FGF1: variants seen among roughly 807,000 people sequenced by gnomAD.
The protein encoded by FGF1 is fibroblast growth factor 1.
A neutral mutation model predicts 13.4 loss-of-function variants in FGF1; 9 were observed. The ratio of observed to expected loss-of-function variants is 0.67; its 90% confidence interval spans 0.40 to 1.17. FGF1 has a LOEUF of 1.17. Among genes scored for constraint, FGF1 ranks in the 50% most tolerant of loss-of-function variants. The probability of loss-of-function intolerance (pLI) is 0.01; values close to 1 mark genes in which losing one functional copy is unlikely to be tolerated. For synonymous variants in FGF1, 93 were observed against 79.0 expected (o/e 1.18, Z -0.94); for missense variants, 156 against 192.7 (o/e 0.81, Z 1.13).
intron 1 of FGF1, among the ~76,000 whole-genome samples, chr5:142,675,888 C>A (rs1253448267): frequency 1.3e-5 from 2 of 152,186 alleles, no homozygotes; most frequent in East Asian, 3.9e-4. Context: ...GAACTGAACA[C>A]CCCCTGGCTG....
rs1173461401 is a variant in FGF1 at position 142,592,906 on chromosome 5, C to T, written c.*2384G>A. 6.5e-6 allele frequency: 1 copy of T among 153,098 alleles called. No individual in the cohort carries two copies. Among genetic ancestry groups the T allele is most frequent in the Non-Finnish European group, 1.5e-5 (1 of 68,720 alleles). The allele number at this position is 153,098 out of a possible 1,614,324, so 9.5% of individuals were successfully genotyped here. A position where few individuals can be genotyped will look rare whatever the true frequency, so the allele number is the denominator to read the frequency against. On this transcript the variant is annotated 3_prime_UTR_variant, in exon 4 of 4. Transcript: ENST00000337706. Reference sequence around the variant, plus strand: ...TTCTTGACTGAAAGAATTGAATCCACAGCATCTTTCATCATAAATATAATG... The same window carrying T: ...TTCTTGACTGAAAGAATTGAATCCATAGCATCTTTCATCATAAATATAATG...
upstream of FGF1, among the ~76,000 whole-genome samples, chr5:142,687,234 G>A (rs1597472830): frequency 6.6e-6 from 1 of 152,134 alleles, no homozygotes; most frequent in African/African-American, 2.4e-5. Context: ...ATGCTCTCCA[G>A]TCTCTACCTC....
intron 1 of FGF1, among the ~76,000 whole-genome samples, chr5:142,683,084 C>G (rs183648046): frequency 2.6e-5 from 4 of 152,306 alleles, no homozygotes; most frequent in African/African-American, 9.6e-5. Flanking sequence ...AAAAAGTACT[C>G]TCACCCACAT....
chr5:142,608,556 A>C (rs1699381198), intron 2 of FGF1, among the ~76,000 whole-genome samples: 2 of 81,208 alleles, frequency 2.5e-5, no homozygotes, highest in Admixed American at 1.1e-4. Context: ...ATATATATAT[A>C]TATATATATA....
chr5:142,691,589 G>A (rs28609749), intron 2 of FGF1, among the ~76,000 whole-genome samples: 21,158 of 152,114 alleles, frequency 0.14, 1,788 homozygotes, highest in Non-Finnish European at 0.19. Context: ...ACTCAGTACC[G>A]AGACCAGTGG....
intron 1 of FGF1, among the ~76,000 whole-genome samples, chr5:142,682,343 C>T (rs1597454390): frequency 6.6e-6 from 1 of 152,306 alleles, no homozygotes; most frequent in Middle Eastern, 3.4e-3. Flanking sequence ...CTTGGCCTCC[C>T]AAAGTGCTGG....
intron 2 of FGF1, among the ~76,000 whole-genome samples, chr5:142,697,280 T>C (rs575874958): frequency 1.2e-3 from 189 of 152,322 alleles, no homozygotes; most frequent in African/African-American, 4.3e-3. Flanking sequence ...AAATGAAGCA[T>C]TAAGTCTACT....
At chr5:142,610,400 G>A (rs7716595) in intron 2 of FGF1, among the ~76,000 whole-genome samples, 2,074 of 152,220 alleles carry the variant, frequency 0.014, 44 homozygotes, top group African/African-American at 0.046. Context: ...TTAAATAATC[G>A]CACAAATAAA....
At chr5:142,598,299 G>C (rs940305305) in intron 3 of FGF1, among the ~76,000 whole-genome samples, 1 of 152,178 alleles carries the variant, frequency 6.6e-6, no homozygotes, top group African/African-American at 2.4e-5. Context: ...AAATAGCTGA[G>C]TCACAGGCTG....
At chr5:142,610,067 C>G (rs1350658477) in intron 2 of FGF1, among the ~76,000 whole-genome samples, 1 of 152,176 alleles carries the variant, frequency 6.6e-6, no homozygotes, top group Non-Finnish European at 1.5e-5. Context: ...TGGTGCCAAG[C>G]CCTCCCAGTT....
At chr5:142,629,188 C>T (rs2151920877) in intron 1 of FGF1, among the ~76,000 whole-genome samples, 1 of 152,298 alleles carries the variant, frequency 6.6e-6, no homozygotes. Context: ...CAGGTTCTTG[C>T]TCTGTTCCCC....
Position 142,664,942 on chromosome 5 carries a change from C to T in FGF1, c.-35+21015G>A, listed in dbSNP as rs988802573. Among the ~76,000 whole-genome samples, 16 of 152,172 alleles carry T rather than the reference C, an allele frequency of 1.1e-4. No individual in the cohort carries two copies. The East Asian group carries it at 1.2e-3, about 11-fold the overall frequency. On this transcript the variant is annotated intron_variant, in intron 1 of 3. Transcript: ENST00000337706. The stretch of plus-strand genomic sequence containing the variant: ...TTGAGGATAAAATGAGGTAAAGTTA[C>T]GTAAGGTGCTTAACACAGTGCTGCA...
At chr5:142,614,456 G>C (rs1015814876) in intron 1 of FGF1, among the ~76,000 whole-genome samples, 1 of 152,166 alleles carries the variant, frequency 6.6e-6, no homozygotes, top group African/African-American at 2.4e-5. Flanking sequence ...ATGGGGAAAA[G>C]AATCATGTTT....
At chr5:142,655,417 C>G (rs1323711093) in intron 1 of FGF1, among the ~76,000 whole-genome samples, 2 of 152,180 alleles carry the variant, frequency 1.3e-5, no homozygotes, top group Non-Finnish European at 1.5e-5. Context: ...ATGAGGCTGA[C>G]CTAAGGTTCT....
At chr5:142,689,673 A>T (rs1751824179), upstream of FGF1, among the ~76,000 whole-genome samples, 1 of 144,810 alleles carries the variant, frequency 6.9e-6, no homozygotes, top group African/African-American at 2.6e-5. Context: ...CGCCTATTCT[A>T]CTGTGTTTTC....
intron 1 of FGF1, among the ~76,000 whole-genome samples, chr5:142,667,446 C>T (rs556009560): frequency 3.4e-5 from 5 of 149,116 alleles, no homozygotes; most frequent in South Asian, 2.2e-4. Flanking sequence ...ATTAGCTGGG[C>T]GCGGTGGCGG....
intron 1 of FGF1, among the ~76,000 whole-genome samples, chr5:142,629,893 A>ATTCTT: frequency 8.3e-6 from 1 of 120,088 alleles, no homozygotes; most frequent in Non-Finnish European, 1.7e-5. Context: ...ATATATATAT[A>ATTCTT]TATTTTTTTT....
chr5:142,594,960 C>T lies in FGF1; in HGVS notation c.*330G>A. On this transcript the variant is annotated 3_prime_UTR_variant, in exon 4 of 4. Transcript: ENST00000337706. Reference sequence around the variant, plus strand: ...AAATAGTGTGCAGTTACTAATGTCCCACTTAGCCGACCCCTTAACACACTT... The same window carrying T: ...AAATAGTGTGCAGTTACTAATGTCCTACTTAGCCGACCCCTTAACACACTT... 1 of 230,564 alleles carries T rather than the reference C, an allele frequency of 4.3e-6. No homozygotes were observed. The highest frequency in any genetic ancestry group is 8.4e-6 in the Non-Finnish European group (1 of 118,958). 14.3% of individuals were successfully genotyped at this position (230,564 alleles called of 1,614,324 possible). A position where few individuals can be genotyped will look rare whatever the true frequency, so the allele number is the denominator to read the frequency against.
rs777432478 is a variant in FGF1, at chr5:142,658,688, C to T, written c.-35+27269G>A. Among the ~76,000 whole-genome samples the T allele has an allele frequency of 6.4e-4, 98 of 152,068 alleles. 1 individual carries two copies. The highest frequency in any genetic ancestry group is 1.2e-3 in the Non-Finnish European group (83 of 68,024). On this transcript the variant is annotated intron_variant, in intron 1 of 3. Coordinates refer to ENST00000337706, the MANE Select transcript of FGF1 (RefSeq NM_000800.5). ...GTTGTGTTTTGGAGGATATTTCCTT[C>T]GGTATCAAGGAACTGAGGTAGAAAA...
Sources: allele counts gnomAD v4.1 joint callset (sites outside exome capture counted in the v4.1 genomes callset), GRCh38; gene constraint gnomAD v4.1.1; transcripts MANE v1.5; gene names NCBI Gene and HGNC (gene_info 2026-07-23, HGNC 2026-07-21).